ANAPC4: variants seen among roughly 807,000 people sequenced by gnomAD.
ANAPC4 encodes the protein anaphase-promoting complex subunit 4.
ANAPC4 carries 63 observed loss-of-function variants against 119.8 expected under a neutral mutation model. The observed-to-expected ratio is 0.53, with a 90% CI of 0.43 to 0.65. The LOEUF is 0.65. Ranked by LOEUF, ANAPC4 falls within the 30% of genes least tolerant of loss-of-function variation. The pLI, the probability that ANAPC4 is intolerant of heterozygous loss-of-function variation, is 0.00. For synonymous variants in ANAPC4, 283 were observed against 318.6 expected (o/e 0.89, Z 1.19); for missense variants, 716 against 945.1 (o/e 0.76, Z 3.18).
chr4:25,387,722 G>T (rs1722116702), intron 4 of ANAPC4, among the ~76,000 whole-genome samples: 1 of 152,080 alleles, frequency 6.6e-6, no homozygotes, highest in Non-Finnish European at 1.5e-5. Context: ...ACCTTATTTG[G>T]AGTTAGAATT....
At chr4:25,418,029 G>C in intron 28 of ANAPC4, 126 bp from the exon 29 acceptor site, 5 of 983,140 alleles carry the variant, frequency 5.1e-6, no homozygotes, top group Non-Finnish European at 7.4e-6. Flanking sequence ...TATTGATTTT[G>C]TTGTAAATTG....
At chr4:25,387,598 T>G (rs1722109655) in intron 4 of ANAPC4, among the ~76,000 whole-genome samples, 1 of 152,236 alleles carries the variant, frequency 6.6e-6, no homozygotes, top group Non-Finnish European at 1.5e-5. Context: ...TACTAACAGT[T>G]TAGAAGTGTT....
intron 21 of ANAPC4, among the ~76,000 whole-genome samples, chr4:25,411,093 C>T (rs1723535222): frequency 6.6e-6 from 1 of 152,106 alleles, no homozygotes; most frequent in South Asian, 2.1e-4. Context: ...CAAGGCAGAA[C>T]CTATTATGTA....
At chr4:25,389,146 C>CTG (rs975329142) in intron 7 of ANAPC4, among the ~76,000 whole-genome samples, 1 of 150,286 alleles carries the variant, frequency 6.7e-6, no homozygotes, top group Non-Finnish European at 1.5e-5. Flanking sequence ...GCACGCGCCA[C>CTG]CACACCCAGC....
In ANAPC4 at chr4:25,393,899, A is replaced by T; in HGVS notation, c.876+8A>T. 1 of 1,600,462 alleles carries T rather than the reference A, an allele frequency of 6.2e-7. No homozygotes were observed. The highest frequency in any genetic ancestry group is 8.5e-7 in the Non-Finnish European group (1 of 1,173,186). The stretch of plus-strand genomic sequence containing the variant: ...CTCACCAAGTTTGTGCAGGTAAAGC[A>T]GCTGAAGTTTCCCATGGAGAGAGTT... On this transcript the variant is annotated splice_region_variant and intron_variant, in intron 11 of 28. Coordinates refer to ENST00000315368, the MANE Select transcript of ANAPC4 (RefSeq NM_013367.3).
chr4:25,413,218 AAGAGCTTATTTATAT>A (rs1378385682), intron 21 of ANAPC4: 1 of 153,422 alleles, frequency 6.5e-6, no homozygotes, highest in Non-Finnish European at 1.5e-5. Flanking sequence ...TTAAAAAGTA[AAGAGCTTATTTATAT>A]AGAGCTAGTT....
chr4:25,388,500 T>C lies in ANAPC4; in HGVS notation c.369T>C (p.Ser123=). 6.3e-7 allele frequency: 1 copy of C among 1,576,342 alleles called. No individual in the cohort carries two copies. Among genetic ancestry groups the C allele is most frequent in the African/African-American group, 1.4e-5 (1 of 73,962 alleles). The change falls in exon 5 of 29, where the codon AGT becomes AGC. Residue 123 remains serine, a splice_region_variant and synonymous_variant. Coordinates refer to ENST00000315368, the MANE Select transcript of ANAPC4 (RefSeq NM_013367.3). ...AATGCTTTTATTTTTTCCTTTTTAG[T>C]GTTCTCACATCATTTTATAATGCTG... The part of the protein sequence containing the change: ...MHWMEVTVES[S]VLTSFYNAED...
At chr4:25,391,073 T>G in intron 9 of ANAPC4, 58 bp downstream of exon 9, 2 of 1,300,118 alleles carry the variant, frequency 1.5e-6, no homozygotes, top group Non-Finnish European at 2.2e-6. Context: ...AGGTTTTATA[T>G]AGGTTTTTAT....
Position 25,409,797 on chromosome 4 carries a change from T to C in ANAPC4, c.1525+6T>C. The stretch of plus-strand genomic sequence containing the variant: ...AAATAGCAGCCACCTTAAAGGTACT[T>C]CATGAACCAACCAGATTTTGGCCAT... On this transcript the variant is annotated splice_donor_region_variant and intron_variant, in intron 21 of 28. Coordinates refer to ENST00000315368, the MANE Select transcript of ANAPC4 (RefSeq NM_013367.3). The C allele has an allele frequency of 6.2e-7, 1 of 1,609,474 alleles. No homozygotes were observed. The highest frequency in any genetic ancestry group is 1.1e-5 in the South Asian group (1 of 90,790).
At chr4:25,394,169 C>A in intron 11 of ANAPC4, 141 bp from the exon 12 acceptor site, 1 of 737,174 alleles carries the variant, frequency 1.4e-6, no homozygotes, top group Non-Finnish European at 2.2e-6. Context: ...ATCTTCTAGT[C>A]ACTGATGTTC....
In ANAPC4 at chr4:25,394,393, G is replaced by T; in HGVS notation, c.941+19G>T. 2 of 1,557,360 alleles carry T rather than the reference G, an allele frequency of 1.3e-6. No individual in the cohort carries two copies. The highest frequency in any genetic ancestry group is 1.2e-5 in the South Asian group (1 of 81,218). On this transcript the variant is annotated intron_variant, in intron 12 of 28. Transcript: ENST00000315368. ...AAGCAAGGTAATAAACTCAGATTAG[G>T]TGCTCCTGTTTTTGCTTCTTTTTTA...
chr4:25,403,539 A>G (rs1723092991), intron 17 of ANAPC4, among the ~76,000 whole-genome samples: 1 of 152,112 alleles, frequency 6.6e-6, no homozygotes, highest in Admixed American at 6.5e-5. Flanking sequence ...TTTTAAAAGT[A>G]AAAAAGAAAA....
chr4:25,402,645 G>A (rs1456085413), intron 16 of ANAPC4, among the ~76,000 whole-genome samples: 5 of 152,000 alleles, frequency 3.3e-5, no homozygotes, highest in African/African-American at 1.2e-4. Context: ...TGTTTTTTCT[G>A]ATTTCTTTTA....
At chr4:25,409,629 A>T in intron 20 of ANAPC4, 69 bp from the exon 21 acceptor site, 3 of 1,224,822 alleles carry the variant, frequency 2.4e-6, no homozygotes, top group Admixed American at 2.2e-5. Flanking sequence ...TTTGTCTTTT[A>T]CTTTTTTTCT....
intron 21 of ANAPC4, among the ~76,000 whole-genome samples, chr4:25,412,363 A>G (rs1723616351): frequency 6.6e-6 from 1 of 152,098 alleles, no homozygotes; most frequent in African/African-American, 2.4e-5. Context: ...TCAACCTCCA[A>G]GCCCCTCTCT....
chr4:25,400,098 C>T (rs1177988827), intron 16 of ANAPC4, among the ~76,000 whole-genome samples: 1 of 152,168 alleles, frequency 6.6e-6, no homozygotes, highest in Non-Finnish European at 1.5e-5. Flanking sequence ...AGAGCAGATG[C>T]AGAGAAGACA....
chr4:25,394,950 C>G (rs1412896814), intron 14 of ANAPC4, 45 bp downstream of exon 14: 1 of 1,453,484 alleles, frequency 6.9e-7, no homozygotes, highest in Non-Finnish European at 9.5e-7. Context: ...TCCACACATA[C>G]CTGGCGTTGG....
Position 25,416,536 on chromosome 4 carries a change from G to A in ANAPC4, c.2013G>A (p.Leu671=), listed in dbSNP as rs1184737000. 3 of 1,606,992 alleles carry A rather than the reference G, an allele frequency of 1.9e-6. No homozygotes were observed. The highest frequency in any genetic ancestry group is 1.3e-5 in the African/African-American group (1 of 74,816). ...ATAGACTCTTGGTCCAGCTGCCTTT[G>A]TCTTTAGTATATAACAGTGAAGATT... ...GRDRLLVQLP[L]SLVYNSEDSA... is the part of the protein sequence containing the mutation. The change falls in exon 27 of 29, where the codon TTG becomes TTA. Residue 671 remains leucine (L), a synonymous_variant. Coordinates refer to ENST00000315368, the MANE Select transcript of ANAPC4 (RefSeq NM_013367.3).
At chr4:25,393,045 G>A (rs1374753809) in intron 10 of ANAPC4, among the ~76,000 whole-genome samples, 1 of 152,168 alleles carries the variant, frequency 6.6e-6, no homozygotes, top group Non-Finnish European at 1.5e-5. Flanking sequence ...CGAGACTCAA[G>A]GGCTGAAGAA....
Sources: allele counts gnomAD v4.1 joint callset (sites outside exome capture counted in the v4.1 genomes callset), GRCh38; gene constraint gnomAD v4.1.1; transcripts MANE v1.5; gene names NCBI Gene and HGNC (gene_info 2026-07-23, HGNC 2026-07-21).